SLC24A3: variants seen among roughly 807,000 people sequenced by gnomAD.
The protein encoded by SLC24A3 is solute carrier family 24 member 3.
Under a neutral mutation model 75.8 loss-of-function variants are expected in SLC24A3, and 28 were observed. That is an observed-to-expected ratio of 0.37 (90% CI 0.27 to 0.51). The LOEUF (loss-of-function observed/expected upper bound fraction) is 0.51, where lower values mean the gene tolerates loss of function less well. Ranked by LOEUF, SLC24A3 falls within the 20% of genes least tolerant of loss-of-function variation. The pLI is 0.94. For synonymous variants in SLC24A3, 372 were observed against 334.1 expected (o/e 1.11, Z -1.24); for missense variants, 663 against 847.8 (o/e 0.78, Z 2.71).
At chr20:19,256,673 G>A (rs768822739) in intron 1 of SLC24A3, among the ~76,000 whole-genome samples, 149 of 151,316 alleles carry the variant, frequency 9.8e-4, no homozygotes, top group Middle Eastern at 3.2e-3. Context: ...GGCGGCTGAG[G>A]CATGAGAATC....
intron 1 of SLC24A3, among the ~76,000 whole-genome samples, chr20:19,264,582 A>G (rs1285225244): frequency 6.6e-6 from 1 of 151,980 alleles, no homozygotes; most frequent in Non-Finnish European, 1.5e-5. Flanking sequence ...AAAAAAAATT[A>G]GCTGGGCATG....
In SLC24A3 at chr20:19,698,689, T is replaced by A. The variant is rs564594049; in HGVS notation, c.1719+9T>A. On this transcript the variant is annotated intron_variant, in intron 15 of 16. Transcript: ENST00000328041. ...TGGATTACGGATCCTACGTAAGTGGTTTTCTCCAGGACTTCTCCTGAAATC... is the reference window on the plus strand; with the variant it reads ...TGGATTACGGATCCTACGTAAGTGGATTTCTCCAGGACTTCTCCTGAAATC... 1.1e-5 allele frequency: 17 copies of A among 1,560,592 alleles called. No homozygotes were observed. In the South Asian group the frequency reaches 1.6e-4, roughly 15 times the overall value.
intron 6 of SLC24A3, among the ~76,000 whole-genome samples, chr20:19,614,356 A>G (rs1315802591): frequency 6.6e-6 from 1 of 152,242 alleles, no homozygotes; most frequent in African/African-American, 2.4e-5. Flanking sequence ...GAAAGTACTC[A>G]GTAAAAATGA....
chr20:19,345,680 T>TG (rs1985377796), intron 2 of SLC24A3, among the ~76,000 whole-genome samples: 1 of 152,120 alleles, frequency 6.6e-6, no homozygotes, highest in Admixed American at 6.5e-5. Flanking sequence ...AACAAGCATT[T>TG]GGAAAAATGC....
chr20:19,320,095 G>A (rs930315276), intron 2 of SLC24A3, among the ~76,000 whole-genome samples: 6 of 152,196 alleles, frequency 3.9e-5, no homozygotes, highest in Admixed American at 6.5e-5. Flanking sequence ...GCAGGTCAAG[G>A]CTGTGCCTGG....
chr20:19,559,537 G>A (rs1475655427), intron 3 of SLC24A3, among the ~76,000 whole-genome samples: 5 of 151,786 alleles, frequency 3.3e-5, no homozygotes, highest in African/African-American at 1.2e-4. Context: ...TTTTCCTTTT[G>A]TGTGTTCTAT....
At chr20:19,391,280 C>G (rs549127037) in intron 2 of SLC24A3, among the ~76,000 whole-genome samples, 51 of 152,312 alleles carry the variant, frequency 3.3e-4, no homozygotes, top group African/African-American at 1.2e-3. Context: ...AGTGAACCAC[C>G]AGTAGTGTCT....
At chr20:19,589,744 C>G (rs551000976) in intron 6 of SLC24A3, among the ~76,000 whole-genome samples, 14 of 152,174 alleles carry the variant, frequency 9.2e-5, no homozygotes, top group African/African-American at 2.9e-4. Flanking sequence ...CGTTCAGGCA[C>G]CACACTAGAT....
chr20:19,512,605 A>C (rs963124180), intron 2 of SLC24A3, among the ~76,000 whole-genome samples: 4 of 152,228 alleles, frequency 2.6e-5, no homozygotes, highest in Non-Finnish European at 4.4e-5. Flanking sequence ...TCAGAACCCA[A>C]GCCTGTCACT....
intron 2 of SLC24A3, among the ~76,000 whole-genome samples, chr20:19,322,602 C>T (rs1256177763): frequency 2.0e-5 from 3 of 152,162 alleles, no homozygotes; most frequent in African/African-American, 7.2e-5. Flanking sequence ...TTCCCTCTAG[C>T]CTGCATCTAC....
At chr20:19,372,551 G>A (rs373075465) in intron 2 of SLC24A3, among the ~76,000 whole-genome samples, 10 of 152,182 alleles carry the variant, frequency 6.6e-5, no homozygotes, top group East Asian at 5.8e-4. Context: ...TCAGTGTGTC[G>A]TTCAATTGCT....
chr20:19,297,754 C>T (rs58158123), intron 2 of SLC24A3, among the ~76,000 whole-genome samples: 3,067 of 152,272 alleles, frequency 0.02, 42 homozygotes, highest in African/African-American at 0.031. Context: ...TAGATACTTA[C>T]TTAGGTAAAC....
At position 19,617,497 on chromosome 20, in the gene SLC24A3, G is replaced by C. The variant is rs115361947; in HGVS notation, c.612+31953G>C. On this transcript the variant is annotated intron_variant, in intron 6 of 16. Coordinates refer to ENST00000328041, the MANE Select transcript of SLC24A3 (RefSeq NM_020689.4). ...GCAGGGCTTTGAGGTGTCCATTGGAGCTGGCCTTGGTATCACAGTATTTTC... is the reference window on the plus strand; with the variant it reads ...GCAGGGCTTTGAGGTGTCCATTGGACCTGGCCTTGGTATCACAGTATTTTC... 5.3e-3 allele frequency among the ~76,000 whole-genome samples: 812 copies of C among 152,312 alleles called. 11 individuals carry two copies. The highest frequency in any genetic ancestry group is 0.018 in the African/African-American group (765 of 41,564).
chr20:19,297,286 G>A (rs759185633), intron 2 of SLC24A3, among the ~76,000 whole-genome samples: 1 of 152,104 alleles, frequency 6.6e-6, no homozygotes, highest in Non-Finnish European at 1.5e-5. Flanking sequence ...TTTGGGTTAC[G>A]TTTATACGCA....
chr20:19,320,663 C>G (rs965688990), intron 2 of SLC24A3, among the ~76,000 whole-genome samples: 3 of 152,024 alleles, frequency 2.0e-5, no homozygotes, highest in Non-Finnish European at 4.4e-5. Flanking sequence ...TTCCAGGACC[C>G]CTCACAGTTG....
chr20:19,624,971 C>A (rs1164876692), intron 6 of SLC24A3, among the ~76,000 whole-genome samples: 3 of 152,176 alleles, frequency 2.0e-5, no homozygotes, highest in African/African-American at 7.2e-5. Flanking sequence ...TTCTTATGAT[C>A]TGGGCTGATC....
At chr20:19,275,073 G>A (rs1373030460) in intron 1 of SLC24A3, among the ~76,000 whole-genome samples, 1 of 152,212 alleles carries the variant, frequency 6.6e-6, no homozygotes, top group Non-Finnish European at 1.5e-5. Flanking sequence ...GGCCCTCTGA[G>A]TGCTTCAGCC....
At chr20:19,678,535 G>A (rs1397754699) in intron 9 of SLC24A3, among the ~76,000 whole-genome samples, 2 of 140,004 alleles carry the variant, frequency 1.4e-5, no homozygotes, top group East Asian at 4.4e-4. Flanking sequence ...CCTCCCTCCC[G>A]GACGGGGCGG....
intron 2 of SLC24A3, among the ~76,000 whole-genome samples, chr20:19,373,608 A>G (rs1051865147): frequency 6.6e-6 from 1 of 152,154 alleles, no homozygotes; most frequent in African/African-American, 2.4e-5. Context: ...ATATAGATTT[A>G]TATATTCTGA....
Sources: allele counts gnomAD v4.1 joint callset (sites outside exome capture counted in the v4.1 genomes callset), GRCh38; gene constraint gnomAD v4.1.1; transcripts MANE v1.5; gene names NCBI Gene and HGNC (gene_info 2026-07-23, HGNC 2026-07-21).